MME: variants seen among roughly 807,000 people sequenced by gnomAD.
The protein encoded by MME is membrane metalloendopeptidase, also known as neprilysin.
MME carries 98 observed loss-of-function variants against 113.2 expected under a neutral mutation model. The observed-to-expected ratio is 0.87, with a 90% CI of 0.74 to 1.02. MME has a LOEUF of 1.02. Among genes scored for constraint, MME ranks in the 50% least tolerant of loss-of-function variants. The pLI, the probability that MME is intolerant of heterozygous loss-of-function variation, is 0.00. For missense variants in MME, 836 were observed against 896.0 expected (o/e 0.93, Z 0.86); for synonymous variants, 292 against 300.6 (o/e 0.97, Z 0.30).
At chr3:155,059,258 CAAAA>C (rs11459710) in intron 1 of MME, among the ~76,000 whole-genome samples, 1 of 56,084 alleles carries the variant, frequency 1.8e-5, no homozygotes, top group Non-Finnish European at 3.4e-5. Context: ...AATTCTGTCT[CAAAA>C]AAAAAAAAAA....
At chr3:155,145,932 G>T (rs1269134068) in intron 14 of MME, among the ~76,000 whole-genome samples, 1 of 152,078 alleles carries the variant, frequency 6.6e-6, no homozygotes, top group East Asian at 1.9e-4. Flanking sequence ...TACATATGAG[G>T]CCTGATCCAC....
intron 22 of MME, among the ~76,000 whole-genome samples, chr3:155,174,332 G>A (rs1048375987): frequency 9.7e-5 from 8 of 82,812 alleles, no homozygotes; most frequent in Non-Finnish European, 1.8e-4. Flanking sequence ...AAGCGTGTGT[G>A]TGTGTGTGTG....
At chr3:155,167,161 C>G (rs1723163717) in intron 18 of MME, 140 bp downstream of exon 18, 4 of 1,173,528 alleles carry the variant, frequency 3.4e-6, no homozygotes, top group Non-Finnish European at 5.0e-6. Context: ...TTTCAATTTT[C>G]CCTTTAAATT....
chr3:155,159,568 T>C (rs1722562577), intron 16 of MME, among the ~76,000 whole-genome samples: 1 of 152,024 alleles, frequency 6.6e-6, no homozygotes, highest in Non-Finnish European at 1.5e-5. Context: ...CAGAGAGACA[T>C]GGGAACTTTG....
At chr3:155,110,082 G>T (rs1718061493) in intron 3 of MME, among the ~76,000 whole-genome samples, 2 of 152,246 alleles carry the variant, frequency 1.3e-5, no homozygotes, top group African/African-American at 4.8e-5. Flanking sequence ...ACAGTGGAGA[G>T]GCTGTGGCTG....
intron 12 of MME, 31 bp downstream of exon 12, chr3:155,142,361 T>G: frequency 6.4e-7 from 1 of 1,550,480 alleles, no homozygotes; most frequent in Non-Finnish European, 8.9e-7. Context: ...TTCTTAAGAC[T>G]TAAAGCATAA....
chr3:155,174,015 C>T (rs893068704), intron 22 of MME, among the ~76,000 whole-genome samples: 8 of 149,544 alleles, frequency 5.3e-5, no homozygotes, highest in Non-Finnish European at 1.2e-4. Flanking sequence ...GTTTGAAAGT[C>T]CATACTAGGA....
upstream of MME, among the ~76,000 whole-genome samples, chr3:155,078,958 T>C (rs1282429645): frequency 6.6e-6 from 1 of 152,164 alleles, no homozygotes; most frequent in Admixed American, 6.5e-5. Flanking sequence ...GCATTACGGC[T>C]GATTTCAGTA....
In MME at chr3:155,168,609, T is replaced by C. The variant is rs201331064; in HGVS notation, c.1898T>C (p.Leu633Pro). The stretch of plus-strand genomic sequence containing the variant: ...CAGTATGGAAACTTTTCCTGGGACC[T>C]GGCAGGTGGACAGCACGTATGTCAT... ...VYQYGNFSWD[L>P]AGGQHLNGIN... Residue 633 changes from leucine to proline, a missense_variant, in exon 19 of 23, where the codon CTG (leucine) becomes CCG (proline). Leu to Pro is a moderately conservative substitution (Grantham distance 98). Coordinates refer to ENST00000360490, the MANE Select transcript of MME (RefSeq NM_007289.4). 1.9e-6 allele frequency: 3 copies of C among 1,613,764 alleles called. No homozygotes were observed. Among genetic ancestry groups the C allele is most frequent in the Non-Finnish European group, 2.5e-6 (3 of 1,179,858 alleles).
At chr3:155,146,593 C>T (rs572084235) in intron 14 of MME, among the ~76,000 whole-genome samples, 89 of 151,884 alleles carry the variant, frequency 5.9e-4, no homozygotes, top group South Asian at 1.0e-3. Flanking sequence ...AGGAAAACCT[C>T]GTTTTCCACT....
At chr3:155,124,764 C>T (rs1447332231) in intron 8 of MME, among the ~76,000 whole-genome samples, 9 of 152,060 alleles carry the variant, frequency 5.9e-5, no homozygotes, top group Middle Eastern at 6.8e-3. Flanking sequence ...CTTGAGGAGG[C>T]AGTCTGCCGG....
intron 1 of MME, among the ~76,000 whole-genome samples, chr3:155,055,074 A>T (rs1008196728): frequency 1.3e-5 from 2 of 152,218 alleles, no homozygotes; most frequent in Non-Finnish European, 2.9e-5. Context: ...CTTCTAGATG[A>T]ATACTCAACA....
upstream of MME, chr3:155,079,994 T>A (rs1714971474): frequency 6.6e-6 from 1 of 152,356 alleles, no homozygotes; most frequent in Admixed American, 6.5e-5. Flanking sequence ...TTCTCCCGAA[T>A]CCCACTGGTG....
chr3:155,076,452 T>C (rs913307870), upstream of MME, among the ~76,000 whole-genome samples: 4 of 152,200 alleles, frequency 2.6e-5, no homozygotes, highest in Non-Finnish European at 5.9e-5. Flanking sequence ...TTGAAATGGA[T>C]AGATACCACC....
At chr3:155,096,026 T>C (rs1055556077) in intron 3 of MME, among the ~76,000 whole-genome samples, 1 of 152,064 alleles carries the variant, frequency 6.6e-6, no homozygotes, top group African/African-American at 2.4e-5. Flanking sequence ...ATGTGCATAG[T>C]CTGTATGCAA....
intron 1 of MME, among the ~76,000 whole-genome samples, chr3:155,073,275 A>G (rs1011186379): frequency 7.2e-5 from 11 of 152,228 alleles, no homozygotes; most frequent in African/African-American, 1.2e-4. Context: ...ATTTTTAAGA[A>G]CAAACAGACA....
rs1036457157 is a variant in MME at position 155,124,798 on chromosome 3, T to C, written c.720+5987T>C. 4.3e-3 allele frequency among the ~76,000 whole-genome samples: 661 copies of C among 152,166 alleles called. 10 individuals are homozygous for C. The highest frequency in any genetic ancestry group is 0.015 in the African/African-American group (636 of 41,528). ...GGTTCTCAGATCTCCAGCTGTGTGC[T>C]GGGAGAACCACTGCTCTCTTCAAAG... is the stretch of plus-strand genomic sequence containing the variant. On this transcript the variant is annotated intron_variant, in intron 8 of 22. Transcript: ENST00000360490.
Position 155,142,199 on chromosome 3 carries a change from A to G in MME, c.1095-38A>G, listed in dbSNP as rs1293819628. 1.9e-6 allele frequency: 3 copies of G among 1,612,858 alleles called. No individual in the cohort carries two copies. In the East Asian group the frequency reaches 6.7e-5, roughly 36 times the overall value. On this transcript the variant is annotated intron_variant, in intron 11 of 22. Transcript: ENST00000360490. ...CACTCTTCAGAAGCTTTGCAGCCTC[A>G]TCTTTTCTGTTGCTGGGCGGTGGTT...
intron 16 of MME, among the ~76,000 whole-genome samples, chr3:155,157,344 T>C (rs1722392735): frequency 6.6e-6 from 1 of 152,266 alleles, no homozygotes. Flanking sequence ...TAAAGTCTGA[T>C]ACTGCTCTGT....
Sources: gnomAD v4.1 joint callset for allele counts (sites outside exome capture counted in the v4.1 genomes callset) on GRCh38, gnomAD v4.1.1 for gene constraint, MANE v1.5 for transcripts, NCBI Gene and HGNC (gene_info 2026-07-23, HGNC 2026-07-21) for gene names.